Variants in YLPM1 observed in about 807,000 individuals in gnomAD.
The protein encoded by YLPM1 is YLP motif-containing protein 1.
In YLPM1, 99 loss-of-function variants were observed where a neutral mutation model predicts 230.0. The ratio of observed to expected loss-of-function variants is 0.43; its 90% confidence interval spans 0.37 to 0.51. The LOEUF is 0.51. Ranked by LOEUF, YLPM1 falls within the 20% of genes least tolerant of loss-of-function variation. The pLI, the probability that YLPM1 is intolerant of heterozygous loss-of-function variation, is 0.00. For missense variants in YLPM1, 2,592 were observed against 2,707.7 expected, an observed-to-expected ratio of 0.96 and a Z score of 0.95; for synonymous variants, 984 against 942.5, an observed-to-expected ratio of 1.04 and a Z score of -0.81.
At chr14:74,818,822 G>A (rs1465182528) in intron 16 of YLPM1, among the ~76,000 whole-genome samples, 2 of 152,070 alleles carry the variant, frequency 1.3e-5, no homozygotes, top group African/African-American at 4.8e-5. Flanking sequence ...ATAAAATATA[G>A]TTTCTCAGCC....
At chr14:74,766,736 C>T (rs933828483) in intron 1 of YLPM1, among the ~76,000 whole-genome samples, 1 of 149,888 alleles carries the variant, frequency 6.7e-6, no homozygotes, top group Non-Finnish European at 1.5e-5. Flanking sequence ...CTTGACCTCT[C>T]AAAGTGCTGG....
At position 74,797,798 on chromosome 14, in the gene YLPM1, G is replaced by A; in HGVS notation, c.2501G>A (p.Gly834Glu). 1 of 1,613,904 alleles carries A rather than the reference G, an allele frequency of 6.2e-7. No homozygotes were observed. The highest frequency in any genetic ancestry group is 1.1e-5 in the South Asian group (1 of 91,076). Residue 834 changes from glycine to glutamate, a missense_variant, in exon 5 of 21, where the codon GGA (glycine) becomes GAA (glutamate). By Grantham distance (98) the Gly-to-Glu change is moderately conservative. Around this residue, in one of 4 missense-constraint regions of YLPM1, gnomAD observed 1,862 missense variants for 1,819.8 expected, o/e 1.02. Coordinates refer to ENST00000325680, the MANE Select transcript of YLPM1 (RefSeq NM_019589.3). Reference protein sequence around the residue: ...PSTSLSPRQSGPQWKGPKPAF... With the variant: ...PSTSLSPRQSEPQWKGPKPAF... ...ACATCCCTAAGTCCTCGACAGAGTG[G>A]ACCACAGTGGAAAGGCCCCAAACCA...
intron 4 of YLPM1, among the ~76,000 whole-genome samples, chr14:74,786,533 A>C (rs2091151914): frequency 6.6e-6 from 1 of 152,152 alleles, no homozygotes; most frequent in African/African-American, 2.4e-5. Context: ...ACTTCATGTG[A>C]GTGAAATAAT....
At chr14:74,814,469 AG>A (rs1223277614) in intron 11 of YLPM1, among the ~76,000 whole-genome samples, 7 of 152,186 alleles carry the variant, frequency 4.6e-5, no homozygotes, top group Admixed American at 6.5e-5. Flanking sequence ...TTATCATGAG[AG>A]GATGTTGGAT....
intron 4 of YLPM1, among the ~76,000 whole-genome samples, chr14:74,795,734 A>G (rs1168748449): frequency 2.0e-5 from 3 of 152,252 alleles, no homozygotes; most frequent in African/African-American, 4.8e-5. Flanking sequence ...TTTAAAAATC[A>G]GACTATATTT....
chr14:74,763,455 G>A lies in YLPM1; in HGVS notation c.-35G>A, dbSNP rs2090869610. 7.3e-7 allele frequency: 1 copy of A among 1,371,146 alleles called. No individual in the cohort carries two copies. The highest frequency in any genetic ancestry group is 9.5e-7 in the Non-Finnish European group (1 of 1,053,802). 84.9% of individuals were successfully genotyped at this position (1,371,146 alleles called of 1,614,324 possible). ...CTGGAGGTCGGTTGCGACGAGTAAC[G>A]GCGCCAGGACGAGCCCTGCGCCTTC... On this transcript the variant is annotated 5_prime_UTR_variant, in exon 1 of 21. Transcript: ENST00000325680.
intron 4 of YLPM1, among the ~76,000 whole-genome samples, chr14:74,787,676 T>C (rs2140096743): frequency 1.3e-5 from 2 of 152,306 alleles, no homozygotes; most frequent in Admixed American, 1.3e-4. Flanking sequence ...ATGGACCCTT[T>C]GTATTTTAAA....
intron 1 of YLPM1, among the ~76,000 whole-genome samples, chr14:74,765,690 T>C (rs1466517134): frequency 6.6e-6 from 1 of 152,260 alleles, no homozygotes; most frequent in African/African-American, 2.4e-5. Context: ...TAGACTGTTT[T>C]TCTGACCTTA....
chr14:74,812,825 A>G, intron 11 of YLPM1, 43 bp downstream of exon 11: 2 of 1,579,082 alleles, frequency 1.3e-6, no homozygotes, highest in Non-Finnish European at 1.7e-6. Context: ...AAACCAGAAG[A>G]TAAGAGATCT....
At chr14:74,797,448 A>T (rs907885035) in intron 4 of YLPM1, 132 bp from the exon 5 acceptor site, 93 of 758,372 alleles carry the variant, frequency 1.2e-4, no homozygotes, top group Non-Finnish European at 1.0e-5. Flanking sequence ...GTGACTCAGG[A>T]TTAATTTAAT....
In YLPM1 at chr14:74,812,701, TCCA is replaced by T; in HGVS notation, c.5423_5425del (p.Pro1808del). ...CACTGAGCCACCAGCCTCCTCCAGCTCCACGAGTCGAGAAGAAGCCTGAATCAA... is the reference window on the plus strand; with the variant it reads ...CACTGAGCCACCAGCCTCCTCCAGCTCGAGTCGAGAAGAAGCCTGAATCAA... On this transcript the variant is annotated inframe_deletion, in exon 11 of 21. Coordinates refer to ENST00000325680, the MANE Select transcript of YLPM1 (RefSeq NM_019589.3). The T allele has an allele frequency of 1.2e-6, 2 of 1,613,556 alleles. No homozygotes were observed. The highest frequency in any genetic ancestry group is 1.7e-6 in the Non-Finnish European group (2 of 1,179,720).
At chr14:74,828,087 C>A in intron 18 of YLPM1, 1 of 819,124 alleles carries the variant, frequency 1.2e-6, no homozygotes, top group Non-Finnish European at 1.5e-6. Flanking sequence ...GTTTTTAAAG[C>A]TTGTAACAGT....
chr14:74,794,537 C>T (rs1375904534), intron 4 of YLPM1, among the ~76,000 whole-genome samples: 1 of 152,122 alleles, frequency 6.6e-6, no homozygotes, highest in African/African-American at 2.4e-5. Context: ...TCACACCTAA[C>T]ATGAGACATT....
At chr14:74,779,843 G>A (rs1267436837) in intron 2 of YLPM1, among the ~76,000 whole-genome samples, 15 of 143,546 alleles carry the variant, frequency 1.0e-4, no homozygotes, top group Non-Finnish European at 1.7e-4. Flanking sequence ...TTGCTCTGTC[G>A]CCCAGGCTGG....
chr14:74,798,902 A>T lies in YLPM1; in HGVS notation c.3605A>T (p.Glu1202Val). The T allele has an allele frequency of 6.2e-7, 1 of 1,613,946 alleles. No individual in the cohort carries two copies. The highest frequency in any genetic ancestry group is 8.5e-7 in the Non-Finnish European group (1 of 1,179,864). ...PWNHGEERGH[E>V]EFPLDGRNAP... ...AACCATGGAGAAGAGCGAGGGCATG[A>T]AGAGTTTCCATTAGATGGTAGAAAT... is the stretch of plus-strand genomic sequence containing the variant. The change falls in exon 5 of 21, where the codon GAA becomes GTA. Residue 1202 changes from glutamate to valine, a missense_variant. Physicochemically the swap from Glu to Val is moderately radical, Grantham distance 121 (BLOSUM62 -2). This residue lies in a region of YLPM1 where 1,862 missense variants were observed against 1,819.8 expected (regional missense o/e 1.02). Transcript: ENST00000325680.
intron 1 of YLPM1, among the ~76,000 whole-genome samples, chr14:74,775,121 T>C (rs191862193): frequency 9.9e-5 from 15 of 152,270 alleles, no homozygotes; most frequent in Admixed American, 7.8e-4. Flanking sequence ...AATCCAGTCA[T>C]GGGTTAAACG....
Position 74,809,437 on chromosome 14 carries a change from A to G in YLPM1, c.4579A>G (p.Arg1527Gly), listed in dbSNP as rs544558680. ...PMGKPPGSIV[R>G]PSAPPARSSV... ...GGGCAAACCACCAGGTTCAATTGTA[A>G]GACCCTCTGCTCCACCAGCAAGATC... is the stretch of plus-strand genomic sequence containing the variant. Residue 1527 changes from arginine to glycine, a missense_variant, in exon 7 of 21, where the codon AGA becomes GGA. Physicochemically the swap from Arg to Gly is moderately radical, Grantham distance 125. Transcript: ENST00000325680. 642 of 1,606,096 alleles carry G rather than the reference A, an allele frequency of 4.0e-4. 3 individuals are homozygous for G. The South Asian group carries it at 6.6e-3, about 16-fold the overall frequency.
intron 15 of YLPM1, among the ~76,000 whole-genome samples, chr14:74,817,623 C>T (rs1012230519): frequency 5.3e-5 from 8 of 152,180 alleles, no homozygotes; most frequent in Non-Finnish European, 7.3e-5. Flanking sequence ...TGTGACTGTA[C>T]TCTAAACCTC....
At chr14:74,770,091 A>C (rs2090962273) in intron 1 of YLPM1, among the ~76,000 whole-genome samples, 1 of 151,616 alleles carries the variant, frequency 6.6e-6, no homozygotes. Context: ...CTGAGGCAGG[A>C]GAATGGTGTG....
Sources: allele counts gnomAD v4.1 joint callset (sites outside exome capture counted in the v4.1 genomes callset), GRCh38; gene constraint gnomAD v4.1.1; regional missense constraint gnomAD v4.1.1; transcripts MANE v1.5; gene names NCBI Gene and HGNC (gene_info 2026-07-23, HGNC 2026-07-21).